Variants in LDLRAD4 observed in about 807,000 individuals in gnomAD.
The protein encoded by LDLRAD4 is low-density lipoprotein receptor class A domain-containing protein 4.
A neutral mutation model predicts 17.0 loss-of-function variants in LDLRAD4; 5 were observed. The ratio of observed to expected loss-of-function variants is 0.29; its 90% confidence interval spans 0.15 to 0.62. The LOEUF (loss-of-function observed/expected upper bound fraction) is 0.62, where lower values mean the gene tolerates loss of function less well. Among genes scored for constraint, LDLRAD4 ranks in the 20% least tolerant of loss-of-function variants. The probability of loss-of-function intolerance (pLI) is 0.84; values close to 1 mark genes in which losing one functional copy is unlikely to be tolerated. For synonymous variants in LDLRAD4, 168 were observed against 171.8 expected (o/e 0.98, Z 0.17); for missense variants, 340 against 424.7 (o/e 0.80, Z 1.75).
At chr18:13,593,561 C>T (rs2095054649) in intron 3 of LDLRAD4, among the ~76,000 whole-genome samples, 1 of 150,746 alleles carries the variant, frequency 6.6e-6, no homozygotes, top group Admixed American at 6.6e-5. Context: ...ATCTATCTAT[C>T]TGTCTGTCCG....
chr18:13,413,048 C>T (rs1289708902), intron 2 of LDLRAD4, among the ~76,000 whole-genome samples: 3 of 152,228 alleles, frequency 2.0e-5, no homozygotes, highest in African/African-American at 7.2e-5. Flanking sequence ...TTGCAGGCAA[C>T]AGCCACCACC....
intron 3 of LDLRAD4, among the ~76,000 whole-genome samples, chr18:13,619,584 G>T (rs2040422393): frequency 6.6e-6 from 1 of 151,762 alleles, no homozygotes; most frequent in African/African-American, 2.4e-5. Flanking sequence ...ATAGGAAGTA[G>T]ACACTCAAAC....
At chr18:13,586,514 C>T (rs1431044772) in intron 3 of LDLRAD4, among the ~76,000 whole-genome samples, 1 of 151,644 alleles carries the variant, frequency 6.6e-6, no homozygotes, top group African/African-American at 2.4e-5. Context: ...TTATGACAGT[C>T]GCTGTGCCAT....
At chr18:13,554,735 A>G (rs948496) in intron 3 of LDLRAD4, among the ~76,000 whole-genome samples, 152,235 of 152,368 alleles carry the variant, frequency 1, 76,051 homozygotes, top group Non-Finnish European at 1. Flanking sequence ...TAAGATTTTA[A>G]TGATATTTCC....
At chr18:13,586,000 A>G (rs2094927860) in intron 3 of LDLRAD4, among the ~76,000 whole-genome samples, 1 of 152,226 alleles carries the variant, frequency 6.6e-6, no homozygotes, top group Non-Finnish European at 1.5e-5. Flanking sequence ...GTGATGCACA[A>G]GCTAGCTAAT....
intron 3 of LDLRAD4, among the ~76,000 whole-genome samples, chr18:13,550,709 G>A (rs901671460): frequency 6.6e-6 from 1 of 152,216 alleles, no homozygotes; most frequent in Non-Finnish European, 1.5e-5. Context: ...AAGATGAGAG[G>A]GGCCTGGCTG....
intron 3 of LDLRAD4, among the ~76,000 whole-genome samples, chr18:13,483,516 C>T (rs2093145881): frequency 6.6e-6 from 1 of 152,180 alleles, no homozygotes; most frequent in African/African-American, 2.4e-5. Context: ...CTTCAGCCAG[C>T]ATGGTGGGTG....
chr18:13,290,144 G>A (rs546947273), intron 1 of LDLRAD4, among the ~76,000 whole-genome samples: 1 of 152,306 alleles, frequency 6.6e-6, no homozygotes, highest in East Asian at 1.9e-4. Flanking sequence ...TGCTGATGGG[G>A]CACCCATTCT....
chr18:13,319,572 C>G (rs1021282760), intron 1 of LDLRAD4, among the ~76,000 whole-genome samples: 1 of 152,182 alleles, frequency 6.6e-6, no homozygotes, highest in Non-Finnish European at 1.5e-5. Flanking sequence ...CTAGATGACT[C>G]TCTCATTTTT....
intron 3 of LDLRAD4, among the ~76,000 whole-genome samples, chr18:13,582,837 C>A (rs932527861): frequency 2.6e-5 from 4 of 152,202 alleles, no homozygotes; most frequent in Non-Finnish European, 5.9e-5. Flanking sequence ...CTCAGCCTCC[C>A]AAGTAGCTAG....
chr18:13,477,723 C>T (rs1000401792), intron 3 of LDLRAD4, among the ~76,000 whole-genome samples: 7 of 152,150 alleles, frequency 4.6e-5, no homozygotes, highest in African/African-American at 1.2e-4. Context: ...TAAGTGACCC[C>T]GCACCTCTCG....
chr18:13,598,897 C>T (rs1005327718), intron 3 of LDLRAD4, among the ~76,000 whole-genome samples: 1 of 152,098 alleles, frequency 6.6e-6, no homozygotes, highest in East Asian at 1.9e-4. Flanking sequence ...AGGTAGTAGC[C>T]GCTGGTCTTT....
chr18:13,429,738 C>CT (rs894225116), intron 2 of LDLRAD4, among the ~76,000 whole-genome samples: 33 of 126,220 alleles, frequency 2.6e-4, no homozygotes, highest in Middle Eastern at 4.1e-3. Context: ...CAAGGGAAGC[C>CT]TCCCCTGCAT....
intron 1 of LDLRAD4, among the ~76,000 whole-genome samples, chr18:13,349,295 C>T (rs574055325): frequency 2.2e-4 from 33 of 152,342 alleles, no homozygotes; most frequent in African/African-American, 7.9e-4. Context: ...CCATCTCCTA[C>T]TATGTATTAT....
intron 1 of LDLRAD4, among the ~76,000 whole-genome samples, chr18:13,312,948 A>C (rs2047321225): frequency 6.6e-6 from 1 of 152,110 alleles, no homozygotes; most frequent in Admixed American, 6.5e-5. Flanking sequence ...AAAGATGGTA[A>C]AATATTGTAA....
At chr18:13,235,721 T>A (rs2042302532) in intron 1 of LDLRAD4, among the ~76,000 whole-genome samples, 1 of 152,232 alleles carries the variant, frequency 6.6e-6, no homozygotes, top group Admixed American at 6.5e-5. Context: ...GTCGACTTTA[T>A]TTCCCTCCCA....
intron 1 of LDLRAD4, among the ~76,000 whole-genome samples, chr18:13,360,810 C>T (rs911086784): frequency 2.0e-5 from 3 of 152,138 alleles, no homozygotes; most frequent in Non-Finnish European, 2.9e-5. Flanking sequence ...ACCACTTTGA[C>T]GCTATGCAAG....
At chr18:13,540,336 A>G (rs1191887898) in intron 3 of LDLRAD4, among the ~76,000 whole-genome samples, 4 of 152,264 alleles carry the variant, frequency 2.6e-5, no homozygotes, top group Admixed American at 6.5e-5. Context: ...GGGACTCAAT[A>G]TTTGTAAGGG....
At chr18:13,306,538 T>A (rs1358029024) in intron 1 of LDLRAD4, among the ~76,000 whole-genome samples, 1 of 152,028 alleles carries the variant, frequency 6.6e-6, no homozygotes, top group Non-Finnish European at 1.5e-5. Context: ...TAGATCAGGG[T>A]CTCAAAAGGA....
Sources: gnomAD v4.1 joint callset for allele counts (sites outside exome capture counted in the v4.1 genomes callset) on GRCh38, gnomAD v4.1.1 for gene constraint, MANE v1.5 for transcripts, NCBI Gene and HGNC (gene_info 2026-07-23, HGNC 2026-07-21) for gene names.